Variants in NTN1 observed in about 807,000 individuals in gnomAD.
NTN1 encodes the protein netrin 1.
A neutral mutation model predicts 54.2 loss-of-function variants in NTN1; 11 were observed. The observed-to-expected ratio is 0.20, with a 90% confidence interval of 0.13 to 0.34. The LOEUF (loss-of-function observed/expected upper bound fraction) is 0.34. NTN1 is among the 10% of genes least tolerant of loss of function. The pLI is 1.00. For synonymous variants in NTN1, 371 were observed against 382.0 expected, an observed-to-expected ratio of 0.97 and a Z score of 0.33; for missense variants, 740 against 893.1, an observed-to-expected ratio of 0.83 and a Z score of 2.18.
intron 2 of NTN1, among the ~76,000 whole-genome samples, chr17:9,103,306 T>C (rs1032688199): frequency 5.9e-5 from 9 of 152,134 alleles, no homozygotes; most frequent in Admixed American, 5.2e-4. Context: ...CTAAATGTGG[T>C]TTATACATGT....
At chr17:9,144,946 C>T (rs779846037) in intron 2 of NTN1, among the ~76,000 whole-genome samples, 9 of 152,192 alleles carry the variant, frequency 5.9e-5, no homozygotes, top group Non-Finnish European at 1.3e-4. Context: ...GCAGACACAC[C>T]GGTCTGTGGT....
chr17:9,032,075 G>A (rs923457842), intron 2 of NTN1, among the ~76,000 whole-genome samples: 26 of 152,160 alleles, frequency 1.7e-4, no homozygotes, highest in African/African-American at 5.8e-4. Context: ...AGGTGCAGAC[G>A]TGTCCACTTG....
intron 2 of NTN1, among the ~76,000 whole-genome samples, chr17:9,062,215 A>G (rs898704767): frequency 8.5e-5 from 13 of 152,206 alleles, no homozygotes; most frequent in Non-Finnish European, 1.6e-4. Context: ...CTTCCTTGGA[A>G]TGAAGTTGTC....
At chr17:9,120,751 C>T (rs1319803623) in intron 2 of NTN1, among the ~76,000 whole-genome samples, 1 of 152,226 alleles carries the variant, frequency 6.6e-6, no homozygotes, top group Non-Finnish European at 1.5e-5. Flanking sequence ...CCCTTCCCAG[C>T]GTCATAGCGA....
chr17:9,105,589 G>A (rs374766369), intron 2 of NTN1, among the ~76,000 whole-genome samples: 1 of 152,134 alleles, frequency 6.6e-6, no homozygotes, highest in Non-Finnish European at 1.5e-5. Context: ...GAGTAAGGGC[G>A]CCTAGCTGAG....
chr17:9,114,863 A>G (rs575235190), intron 2 of NTN1, among the ~76,000 whole-genome samples: 28 of 152,344 alleles, frequency 1.8e-4, no homozygotes, highest in African/African-American at 5.8e-4. Flanking sequence ...CCTGGTTTCT[A>G]CTGACCTGCA....
At chr17:9,148,560 A>G in intron 2 of NTN1, among the ~76,000 whole-genome samples, 1 of 152,150 alleles carries the variant, frequency 6.6e-6, no homozygotes, top group East Asian at 1.9e-4. Context: ...ACTAAAAATG[A>G]TTTGTGCCAT....
chr17:9,042,704 T>C (rs916885997), intron 2 of NTN1, among the ~76,000 whole-genome samples: 6 of 151,902 alleles, frequency 3.9e-5, no homozygotes, highest in African/African-American at 1.5e-4. Flanking sequence ...GAAGAATCAC[T>C]TGAACCCAGG....
intron 5 of NTN1, among the ~76,000 whole-genome samples, chr17:9,195,949 T>C (rs968589793): frequency 6.6e-6 from 1 of 152,054 alleles, no homozygotes; most frequent in Non-Finnish European, 1.5e-5. Context: ...CACCCCACTC[T>C]AGCTAAAGCA....
At chr17:9,160,508 G>A (rs1178534435) in intron 2 of NTN1, among the ~76,000 whole-genome samples, 1 of 152,190 alleles carries the variant, frequency 6.6e-6, no homozygotes, top group Non-Finnish European at 1.5e-5. Flanking sequence ...AGTATGATCC[G>A]TGTTTGTAGG....
At chr17:9,073,217 G>A (rs946790582) in intron 2 of NTN1, among the ~76,000 whole-genome samples, 1 of 152,194 alleles carries the variant, frequency 6.6e-6, no homozygotes, top group Non-Finnish European at 1.5e-5. Flanking sequence ...TCCCACCTGG[G>A]CCCCAGACAC....
chr17:9,115,320 A>G (rs80229017), intron 2 of NTN1, among the ~76,000 whole-genome samples: 4,016 of 152,230 alleles, frequency 0.026, 173 homozygotes, highest in African/African-American at 0.09. Flanking sequence ...TAGGCAATGG[A>G]GGTGGTTTTG....
intron 2 of NTN1, among the ~76,000 whole-genome samples, chr17:9,064,583 G>T (rs563950896): frequency 6.6e-6 from 1 of 152,030 alleles, no homozygotes; most frequent in Non-Finnish European, 1.5e-5. Context: ...TCCCCTACTC[G>T]GTGTATTTCA....
At position 9,022,456 on chromosome 17, in the gene NTN1, T is replaced by C; in HGVS notation, c.83T>C (p.Leu28Pro). Residue 28 changes from leucine (L) to proline (P), a missense_variant, in exon 2 of 7, where the codon CTC (leucine) becomes CCC (proline). Leu to Pro is a moderately conservative substitution (Grantham distance 98). Coordinates refer to ENST00000173229, the MANE Select transcript of NTN1 (RefSeq NM_004822.3). ...GGCGCGGTGCGCGGCGGGCCCGGGC[T>C]CAGCATGTTCGCGGGCCAGGCGGCG... ...LVGAVRGGPG[L>P]SMFAGQAAQP... 1 of 1,508,122 alleles carries C rather than the reference T, an allele frequency of 6.6e-7. No individual in the cohort carries two copies. Among genetic ancestry groups the C allele is most frequent in the Non-Finnish European group, 8.8e-7 (1 of 1,134,616 alleles). 93.4% of individuals were successfully genotyped at this position (1,508,122 alleles called of 1,614,324 possible). A position where few individuals can be genotyped will look rare whatever the true frequency, so the allele number is the denominator to read the frequency against.
chr17:9,128,769 G>A (rs112696697), intron 2 of NTN1, among the ~76,000 whole-genome samples: 3,184 of 152,246 alleles, frequency 0.021, 118 homozygotes, highest in African/African-American at 0.072. Context: ...TCTCAGGGCC[G>A]CCTGGCCAGC....
At chr17:9,157,168 C>T (rs1859916679) in intron 2 of NTN1, among the ~76,000 whole-genome samples, 1 of 152,248 alleles carries the variant, frequency 6.6e-6, no homozygotes, top group Non-Finnish European at 1.5e-5. Context: ...CAAACGCTGT[C>T]CCTATCCTCA....
chr17:9,192,749 T>C (rs1030083129), intron 5 of NTN1, among the ~76,000 whole-genome samples: 4 of 152,188 alleles, frequency 2.6e-5, no homozygotes, highest in Admixed American at 6.5e-5. Context: ...TTATTAGTTA[T>C]GCACCATGCT....
At chr17:9,156,102 G>A (rs2092341198) in intron 2 of NTN1, among the ~76,000 whole-genome samples, 1 of 152,174 alleles carries the variant, frequency 6.6e-6, no homozygotes, top group Non-Finnish European at 1.5e-5. Flanking sequence ...TTTTTGCCAT[G>A]TCCCAACCTG....
At chr17:9,131,994 G>C (rs867000156) in intron 2 of NTN1, among the ~76,000 whole-genome samples, 2 of 139,588 alleles carry the variant, frequency 1.4e-5, no homozygotes, top group Middle Eastern at 3.6e-3. Flanking sequence ...TTTTTTTTTT[G>C]GTAGAAACTG....
Sources: allele counts gnomAD v4.1 joint callset (sites outside exome capture counted in the v4.1 genomes callset), GRCh38; gene constraint gnomAD v4.1.1; transcripts MANE v1.5; gene names NCBI Gene and HGNC (gene_info 2026-07-23, HGNC 2026-07-21).